Variants in PCDHGB1 observed in about 807,000 individuals in gnomAD.
PCDHGB1 encodes the protein protocadherin gamma subfamily B, 1, also known as protocadherin gamma-B1.
A neutral mutation model predicts 56.6 loss-of-function variants in PCDHGB1; 34 were observed. That is an observed-to-expected ratio of 0.60 (90% CI 0.46 to 0.80). PCDHGB1 has a LOEUF of 0.80. Among genes scored for constraint, PCDHGB1 ranks in the 30% least tolerant of loss-of-function variants. The probability of loss-of-function intolerance (pLI) is 0.00; values close to 1 mark genes in which losing one functional copy is unlikely to be tolerated. For synonymous variants in PCDHGB1, 561 were observed against 505.9 expected (o/e 1.11, Z -1.46); for missense variants, 1,278 against 1,204.6 (o/e 1.06, Z -0.90).
intron 1 of PCDHGB1, chr5:141,364,246 G>C (rs918034939): frequency 6.8e-7 from 1 of 1,464,914 alleles, no homozygotes; most frequent in African/African-American, 1.4e-5. Flanking sequence ...ATTTTCGTCA[G>C]GGAATATGTA....
chr5:141,382,729 A>G, intron 1 of PCDHGB1: 1 of 548,650 alleles, frequency 1.8e-6, no homozygotes, highest in Non-Finnish European at 3.1e-6. Flanking sequence ...GTTTTACAGC[A>G]CAGAGAAACG....
chr5:141,511,733 T>C lies in PCDHGB1; in HGVS notation c.*560T>C, dbSNP rs1032711521. 9 of 177,040 alleles carry C rather than the reference T, an allele frequency of 5.1e-5. No individual in the cohort carries two copies. The highest frequency in any genetic ancestry group is 8.7e-5 in the Non-Finnish European group (7 of 80,868). The allele number at this position is 177,040 out of a possible 1,614,324, so 11.0% of individuals were successfully genotyped here. ...TCCTTCCAGAGCCCAAGATCAATGC[T>C]CAAGTTTTGGAGGACATGATCACCA... On this transcript the variant is annotated 3_prime_UTR_variant, in exon 4 of 4. Transcript: ENST00000523390.
intron 1 of PCDHGB1, chr5:141,355,358 G>A: frequency 1.2e-6 from 2 of 1,614,048 alleles, no homozygotes; most frequent in Non-Finnish European, 1.7e-6. Context: ...AAGGACCTGG[G>A]GTTGGCGCCC....
intron 1 of PCDHGB1, chr5:141,442,421 T>G (rs1288481455): frequency 1.3e-5 from 2 of 152,290 alleles, no homozygotes; most frequent in East Asian, 3.9e-4. Flanking sequence ...TGAACTTCTT[T>G]TTTGAATCCC....
Position 141,431,687 on chromosome 5 carries a change from G to A in PCDHGB1, c.2410-63120G>A. On this transcript the variant is annotated intron_variant, in intron 1 of 3. Transcript: ENST00000523390. This position sits in a 1 kb window ranked among gnomAD's most constrained non-coding sequence, Gnocchi z 4.8. ...ATCAACAATAGGGGAGTTGGACCAC[G>A]AGGAGTCAGGATTCTACCAGATGGA... The A allele has an allele frequency of 1.9e-6, 3 of 1,614,214 alleles. No homozygotes were observed. Among genetic ancestry groups the A allele is most frequent in the Middle Eastern group, 1.6e-4 (1 of 6,062 alleles).
intron 1 of PCDHGB1, among the ~76,000 whole-genome samples, chr5:141,463,684 G>C (rs2099066814): frequency 6.6e-6 from 1 of 151,910 alleles, no homozygotes; most frequent in African/African-American, 2.4e-5. Flanking sequence ...ATGACCTCGT[G>C]ATCTGCTCAC....
chr5:141,400,789 C>G (rs1415192979), intron 1 of PCDHGB1: 1 of 561,844 alleles, frequency 1.8e-6, no homozygotes, highest in Non-Finnish European at 3.1e-6. Context: ...TTTTTGTCCT[C>G]TTTCTCAAAG....
At position 141,485,566 on chromosome 5, in the gene PCDHGB1, C is replaced by T. The variant is rs768144422; in HGVS notation, c.2410-9241C>T. The T allele has an allele frequency of 6.2e-7, 1 of 1,612,926 alleles. No homozygotes were observed. Among genetic ancestry groups the T allele is most frequent in the African/African-American group, 1.3e-5 (1 of 75,016 alleles). ...TCGTAGATGTGAATGATCACGCCCC[C>T]CGTTTTCCGCGGCAGCAGCTGGACT... On this transcript the variant is annotated intron_variant, in intron 1 of 3. Transcript: ENST00000523390. The surrounding 1 kb of genome is among the most constrained non-coding windows in gnomAD (Gnocchi z 5.7).
At chr5:141,463,653 G>T (rs1378583183) in intron 1 of PCDHGB1, among the ~76,000 whole-genome samples, 1 of 151,764 alleles carries the variant, frequency 6.6e-6, no homozygotes. Context: ...GGGTTTCACC[G>T]TGTTAGCCAG....
chr5:141,405,016 C>G (rs538744733), intron 1 of PCDHGB1: 1 of 1,613,888 alleles, frequency 6.2e-7, no homozygotes. Flanking sequence ...AGGCCTCAGA[C>G]CTTACCCTCT....
intron 1 of PCDHGB1, chr5:141,376,145 G>A: frequency 6.2e-7 from 1 of 1,613,994 alleles, no homozygotes; most frequent in Non-Finnish European, 8.5e-7. Context: ...CAACGATTCG[G>A]ACCTCACTCT....
intron 1 of PCDHGB1, among the ~76,000 whole-genome samples, chr5:141,451,830 G>A (rs940668278): frequency 6.6e-5 from 10 of 151,238 alleles, no homozygotes; most frequent in East Asian, 1.9e-4. Flanking sequence ...ACAGTGAGCC[G>A]AGATCACACC....
intron 1 of PCDHGB1, chr5:141,356,925 G>A: frequency 6.2e-7 from 1 of 1,614,212 alleles, no homozygotes. Context: ...CCACTGGTGT[G>A]GAGCTGGCAC....
chr5:141,417,942 C>A (rs1324501154), intron 1 of PCDHGB1: 19 of 1,613,208 alleles, frequency 1.2e-5, no homozygotes, highest in Non-Finnish European at 1.5e-5. Flanking sequence ...TTCTACCCCA[C>A]GCTGTGTGAG....
rs111388524 is a variant in PCDHGB1, at chr5:141,376,009, A to C, written c.2409+23340A>C. On this transcript the variant is annotated intron_variant, in intron 1 of 3. Transcript: ENST00000523390. ...ACAGAGACGCGCTCAAGCAGAGCCTAGTGGTGGCCGTCCAGGACCACGGCC... is the reference window on the plus strand; with the variant it reads ...ACAGAGACGCGCTCAAGCAGAGCCTCGTGGTGGCCGTCCAGGACCACGGCC... 13,464 of 1,612,162 alleles carry C rather than the reference A, an allele frequency of 8.4e-3. 162 individuals carry two copies. The highest frequency in any genetic ancestry group is 0.039 in the African/African-American group (2,956 of 74,982).
Position 141,352,285 on chromosome 5 carries a change from T to C in PCDHGB1, c.2025T>C (p.Pro675=), listed in dbSNP as rs750239833. 1.9e-6 allele frequency: 3 copies of C among 1,613,662 alleles called. No homozygotes were observed. The highest frequency in any genetic ancestry group is 2.5e-6 in the Non-Finnish European group (3 of 1,179,686). The change falls in exon 1 of 4, where the codon CCT becomes CCC. Residue 675 remains proline (P), a synonymous_variant. Transcript: ENST00000523390. ...QEVLPDLSDR[P]EPSDPQTELQ... ...TATTGCCAGACCTCAGCGACCGCCC[T>C]GAGCCCTCTGACCCCCAGACGGAAC...
In PCDHGB1 at chr5:141,357,221, A is replaced by G. The variant is rs201265946; in HGVS notation, c.2409+4552A>G. The stretch of plus-strand genomic sequence containing the variant: ...GACAGCATCCCAGATGTCCTGGCTG[A>G]CTTGGGCAGCCTCAAGCCTTCAGCA... On this transcript the variant is annotated intron_variant, in intron 1 of 3. Coordinates refer to ENST00000523390, the MANE Select transcript of PCDHGB1 (RefSeq NM_018922.3). 7.9e-5 allele frequency: 128 copies of G among 1,613,582 alleles called. No individual in the cohort carries two copies. Among genetic ancestry groups the G allele is most frequent in the Admixed American group, 2.2e-4 (13 of 59,986 alleles).
At chr5:141,376,589 C>T (rs774042696) in intron 1 of PCDHGB1, 3 of 1,568,090 alleles carry the variant, frequency 1.9e-6, no homozygotes, top group Non-Finnish European at 2.6e-6. Context: ...TCAGCTAGAT[C>T]GGCTGTTATA....
chr5:141,476,564 C>G lies in PCDHGB1; in HGVS notation c.2410-18243C>G, dbSNP rs2099393821. 1.2e-6 allele frequency: 2 copies of G among 1,614,196 alleles called. No individual in the cohort carries two copies. Among genetic ancestry groups the G allele is most frequent in the South Asian group, 1.1e-5 (1 of 91,086 alleles). ...ATTGGAGATTAGCGAGGCCGTGGCT[C>G]CGGGGACGCGCTTTCCGCTCGAGAG... On this transcript the variant is annotated intron_variant, in intron 1 of 3. Coordinates refer to ENST00000523390, the MANE Select transcript of PCDHGB1 (RefSeq NM_018922.3). This position sits in a 1 kb window ranked among gnomAD's most constrained non-coding sequence, Gnocchi z 7.6.
Sources: allele counts gnomAD v4.1 joint callset (sites outside exome capture counted in the v4.1 genomes callset), GRCh38; gene constraint gnomAD v4.1.1; non-coding constraint Gnocchi (gnomAD v3.1); transcripts MANE v1.5; gene names NCBI Gene and HGNC (gene_info 2026-07-23, HGNC 2026-07-21).